The following SLC37A1 variants were observed in gnomAD, a reference collection of about 807,000 sequenced individuals.
SLC37A1 encodes the protein glucose-6-phosphate exchanger SLC37A1.
In SLC37A1, 49 loss-of-function variants were observed where a neutral mutation model predicts 75.3. The observed-to-expected ratio is 0.65, with a 90% CI of 0.52 to 0.83. SLC37A1 has a LOEUF of 0.83. Among genes scored for constraint, SLC37A1 ranks in the 40% least tolerant of loss-of-function variants. The pLI is 0.00. For missense variants in SLC37A1, 566 were observed against 695.0 expected (o/e 0.81, Z 2.09); for synonymous variants, 268 against 292.1 (o/e 0.92, Z 0.84).
At position 42,521,017 on chromosome 21, in the gene SLC37A1, G is replaced by A. The variant is rs139901673; in HGVS notation, c.56+2507G>A. Among the ~76,000 whole-genome samples, 274 of 152,312 alleles carry A rather than the reference G, an allele frequency of 1.8e-3. 1 individual carries two copies. The highest frequency in any genetic ancestry group is 6.8e-3 in the Middle Eastern group (2 of 294). On this transcript the variant is annotated intron_variant, in intron 2 of 19. Transcript: ENST00000352133. ...GAAGTAGGAGAAATGCACGCTCGCC[G>A]TACAGTGGAAGCTGGCCGCTAGGTG...
At chr21:42,564,944 C>T in intron 14 of SLC37A1, 151 bp downstream of exon 14, 1 of 689,966 alleles carries the variant, frequency 1.4e-6, no homozygotes, top group Non-Finnish European at 2.4e-6. Flanking sequence ...CCCGACCCCT[C>T]CCTTGGCACC....
In SLC37A1 at chr21:42,567,001, C is replaced by T. The variant is rs757323687; in HGVS notation, c.1287C>T (p.Ser429=). The T allele has an allele frequency of 9.6e-5, 154 of 1,607,868 alleles. 4 individuals are homozygous for T. The South Asian group carries it at 1.5e-3, about 16-fold the overall frequency. The change falls in exon 16 of 20, where the codon AGC becomes AGT. Residue 429 remains serine (S), a synonymous_variant. Coordinates refer to ENST00000352133, the MANE Select transcript of SLC37A1 (RefSeq NM_001320537.2). ...LEATIAMLLL[S]GALVSGPYTL... ...CTCCCACAGCCATGCTGCTGCTCAG[C>T]GGAGCCCTGGTCAGTGGGCCCTACA...
At chr21:42,554,234 GAC>G in intron 10 of SLC37A1, 92 bp downstream of exon 10, 1 of 1,078,630 alleles carries the variant, frequency 9.3e-7, no homozygotes, top group East Asian at 2.5e-5. Flanking sequence ...CTGCCTATGT[GAC>G]ATGTGTCACA....
In SLC37A1 at chr21:42,506,968, T is replaced by C. The variant is rs113482607; in HGVS notation, c.-179+4551T>C. On this transcript the variant is annotated intron_variant, in intron 2 of 20. Coordinates refer to the SLC37A1 transcript ENST00000398341. Reference sequence around the variant, plus strand: ...TGCGATCTCAGCTCACTGCCACCTCTGCCTCCTGGGTTCAAACAATTCTCC... The same window carrying C: ...TGCGATCTCAGCTCACTGCCACCTCCGCCTCCTGGGTTCAAACAATTCTCC... Among the ~76,000 whole-genome samples, 239 of 152,310 alleles carry C rather than the reference T, an allele frequency of 1.6e-3. 2 individuals are homozygous for C. Among genetic ancestry groups the C allele is most frequent in the African/African-American group, 5.3e-3 (222 of 41,574 alleles).
At chr21:42,558,478 C>T (rs1207179873) in intron 10 of SLC37A1, among the ~76,000 whole-genome samples, 1 of 152,178 alleles carries the variant, frequency 6.6e-6, no homozygotes, top group Non-Finnish European at 1.5e-5. Context: ...GAAATAGATC[C>T]TATAGTTGCC....
rs2055593006 is a variant in SLC37A1, at chr21:42,552,927, C to G, written c.769-1135C>G. Reference sequence around the variant, plus strand: ...ATGATAAACTGGCCAGATAATCACCCCTAGCCTGGCAGGCTTTGCCCTCCC... The same window carrying G: ...ATGATAAACTGGCCAGATAATCACCGCTAGCCTGGCAGGCTTTGCCCTCCC... On this transcript the variant is annotated intron_variant, in intron 9 of 19. Transcript: ENST00000352133. The surrounding 1 kb of genome is among the most constrained non-coding windows in gnomAD (Gnocchi z 4.2). Among the ~76,000 whole-genome samples, 2 of 152,184 alleles carry G rather than the reference C, an allele frequency of 1.3e-5. No individual in the cohort carries two copies. Among genetic ancestry groups the G allele is most frequent in the African/African-American group, 2.4e-5 (1 of 41,446 alleles).
At chr21:42,537,723 A>G (rs996000664) in intron 5 of SLC37A1, among the ~76,000 whole-genome samples, 4 of 152,218 alleles carry the variant, frequency 2.6e-5, no homozygotes, top group African/African-American at 9.7e-5. Flanking sequence ...CTTGTTGCTT[A>G]TTTACGGTAA....
chr21:42,569,725 G>A (rs2056077947), intron 17 of SLC37A1, among the ~76,000 whole-genome samples: 1 of 152,262 alleles, frequency 6.6e-6, no homozygotes, highest in Non-Finnish European at 1.5e-5. Flanking sequence ...GCACTCCTCT[G>A]TTTTGTCTCC....
At chr21:42,553,072 G>A (rs1011765058) in intron 9 of SLC37A1, among the ~76,000 whole-genome samples, 1 of 152,178 alleles carries the variant, frequency 6.6e-6, no homozygotes, top group Non-Finnish European at 1.5e-5. Flanking sequence ...AATGTAAAGG[G>A]TGGGATCCAA....
chr21:42,506,877 A>G (rs1280941275), intron 2 of SLC37A1, among the ~76,000 whole-genome samples: 1 of 152,194 alleles, frequency 6.6e-6, no homozygotes, highest in East Asian at 1.9e-4. Context: ...ATCATATTCA[A>G]TAAGTTGCTT....
At chr21:42,566,020 T>C (rs1166087306) in intron 15 of SLC37A1, 145 bp downstream of exon 15, 1 of 762,908 alleles carries the variant, frequency 1.3e-6, no homozygotes, top group Non-Finnish European at 2.1e-6. Context: ...GTGTCCTCCT[T>C]TGGGCAAGAC....
chr21:42,535,316 C>T (rs1049632363), intron 4 of SLC37A1, among the ~76,000 whole-genome samples, 156 bp from the exon 5 acceptor site: 4 of 152,230 alleles, frequency 2.6e-5, no homozygotes, highest in Admixed American at 1.3e-4. Flanking sequence ...AGAAACTGAA[C>T]AGAAAATGCA....
At chr21:42,560,120 T>G (rs921183157) in intron 11 of SLC37A1, among the ~76,000 whole-genome samples, 22 of 152,044 alleles carry the variant, frequency 1.4e-4, no homozygotes, top group Non-Finnish European at 2.4e-4. Flanking sequence ...CAAGGTGACT[T>G]GGAGCAGATG....
At chr21:42,564,680 G>C (rs1221025791) in intron 13 of SLC37A1, 28 bp from the exon 14 acceptor site, 1 of 1,601,050 alleles carries the variant, frequency 6.2e-7, no homozygotes, top group Admixed American at 1.7e-5. Flanking sequence ...TGGGACGTCA[G>C]TGCCTGAAGC....
intron 2 of SLC37A1, among the ~76,000 whole-genome samples, chr21:42,523,230 C>A (rs2054698157): frequency 6.6e-6 from 1 of 152,226 alleles, no homozygotes; most frequent in Non-Finnish European, 1.5e-5. Flanking sequence ...TTGTCTGAGA[C>A]TGGGGAGGTG....
intron 5 of SLC37A1, among the ~76,000 whole-genome samples, chr21:42,536,513 T>G (rs182999386): frequency 6.6e-6 from 1 of 152,224 alleles, no homozygotes; most frequent in Admixed American, 6.5e-5. Context: ...TCTAGCCCAT[T>G]TTCTGTTGCT....
At chr21:42,564,846 G>A (rs1569033840) in intron 14 of SLC37A1, 53 bp downstream of exon 14, 7 of 1,522,272 alleles carry the variant, frequency 4.6e-6, no homozygotes, top group East Asian at 2.3e-5. Context: ...GTCCCCCACT[G>A]TCCTCCTCGC....
At chr21:42,563,530 C>A (rs1235703205) in intron 12 of SLC37A1, among the ~76,000 whole-genome samples, 1 of 152,198 alleles carries the variant, frequency 6.6e-6, no homozygotes, top group Non-Finnish European at 1.5e-5. Context: ...CACTTCTGTC[C>A]TGTGTTAATC....
At position 42,564,720 on chromosome 21, in the gene SLC37A1, C is replaced by T; in HGVS notation, c.1148C>T (p.Ala383Val). Residue 383 changes from alanine (A) to valine (V), a missense_variant, in exon 14 of 20, where the codon GCA becomes GTA. Physicochemically the swap from Ala to Val is moderately conservative, Grantham distance 64. Transcript: ENST00000352133. ...CTCTCCGTTGCAGGTGGGATCCTGG[C>T]AGGTGTGATCTCAGACCGACTGGAG... ...DVGGIFGGIL[A>V]GVISDRLEKR... 6.2e-7 allele frequency: 1 copy of T among 1,611,288 alleles called. No individual in the cohort carries two copies.
Sources: gnomAD v4.1 joint callset for allele counts (sites outside exome capture counted in the v4.1 genomes callset) on GRCh38, gnomAD v4.1.1 for gene constraint, Gnocchi (gnomAD v3.1) non-coding constraint, MANE v1.5 for transcripts, NCBI Gene and HGNC (gene_info 2026-07-23, HGNC 2026-07-21) for gene names.